The following PACSIN2 variants were observed in gnomAD, a reference collection of about 807,000 sequenced individuals.
The protein encoded by PACSIN2 is protein kinase C and casein kinase substrate in neurons protein 2.
A neutral mutation model predicts 63.8 loss-of-function variants in PACSIN2; 25 were observed. The observed-to-expected ratio is 0.39, with a 90% CI of 0.29 to 0.55. The LOEUF is 0.55. Among genes scored for constraint, PACSIN2 ranks in the 20% least tolerant of loss-of-function variants. PACSIN2 has a pLI of 0.62. For synonymous variants in PACSIN2, 255 were observed against 256.2 expected, an observed-to-expected ratio of 1.00 and a Z score of 0.05; for missense variants, 518 against 646.9, an observed-to-expected ratio of 0.80 and a Z score of 2.16.
chr22:42,961,767 T>C (rs1196383426), intron 1 of PACSIN2, among the ~76,000 whole-genome samples: 1 of 152,006 alleles, frequency 6.6e-6, no homozygotes, highest in Non-Finnish European at 1.5e-5. Context: ...AGCGAGATCC[T>C]GTCTCAAAAA....
chr22:42,917,045 C>T (rs5751403), intron 1 of PACSIN2, among the ~76,000 whole-genome samples: 27,636 of 152,056 alleles, frequency 0.18, 4,297 homozygotes, highest in East Asian at 0.73. Flanking sequence ...CAGTCATACC[C>T]ACCCCTATGG....
intron 7 of PACSIN2, among the ~76,000 whole-genome samples, chr22:42,879,909 G>C (rs1322677374): frequency 3.9e-5 from 6 of 152,088 alleles, no homozygotes; most frequent in Non-Finnish European, 5.9e-5. Flanking sequence ...GCACATGCTG[G>C]GGCTAACGAA....
intron 4 of PACSIN2, among the ~76,000 whole-genome samples, chr22:42,889,626 C>T (rs902676231): frequency 9.2e-5 from 14 of 151,942 alleles, no homozygotes; most frequent in African/African-American, 2.7e-4. Flanking sequence ...GATTCTGAGG[C>T]GGAGGAAGGC....
chr22:42,904,505 C>T (rs1228539089), intron 2 of PACSIN2, among the ~76,000 whole-genome samples: 4 of 152,204 alleles, frequency 2.6e-5, no homozygotes, highest in Non-Finnish European at 5.9e-5. Flanking sequence ...TCCCTAAGCT[C>T]GCTGAAGACC....
chr22:42,974,866 A>G (rs1036968666), intron 1 of PACSIN2, among the ~76,000 whole-genome samples: 1 of 152,108 alleles, frequency 6.6e-6, no homozygotes, highest in African/African-American at 2.4e-5. Flanking sequence ...AACAACAACA[A>G]CAACATAAGC....
intron 1 of PACSIN2, among the ~76,000 whole-genome samples, chr22:43,009,252 C>A (rs1001337820): frequency 6.6e-6 from 1 of 152,192 alleles, no homozygotes; most frequent in African/African-American, 2.4e-5. Context: ...CCAAGCCTGG[C>A]CCACTTTCTT....
chr22:42,876,934 C>G lies in PACSIN2; in HGVS notation c.1105G>C (p.Asp369His). The G allele has an allele frequency of 6.2e-7, 1 of 1,614,172 alleles. No individual in the cohort carries two copies. Among genetic ancestry groups the G allele is most frequent in the Non-Finnish European group, 8.5e-7 (1 of 1,180,020 alleles). ...SSYNPFEDED[D>H]TGSTVSEKDD... ...TTCTCACTGACGGTGCTGCCCGTGT[C>G]GTCCTCATCCTCGAAGGGGTTGTAG... is the stretch of plus-strand genomic sequence containing the variant. The change falls in exon 9 of 11, where the codon GAC becomes CAC. Residue 369 changes from aspartate (D) to histidine (H), a missense_variant. Physicochemically the swap from Asp to His is moderately conservative, Grantham distance 81. Around this residue, in one of 2 missense-constraint regions of PACSIN2, gnomAD observed 507 missense variants for 612.3 expected, o/e 0.83. Transcript: ENST00000263246.
At chr22:42,923,574 C>T (rs890723374) in intron 1 of PACSIN2, among the ~76,000 whole-genome samples, 1 of 152,148 alleles carries the variant, frequency 6.6e-6, no homozygotes, top group Non-Finnish European at 1.5e-5. Flanking sequence ...ACTACAGGCG[C>T]CCGCCACCAT....
intron 1 of PACSIN2, among the ~76,000 whole-genome samples, chr22:43,014,376 C>G (rs1300242593): frequency 3.8e-4 from 7 of 18,588 alleles, no homozygotes; most frequent in African/African-American, 1.9e-3. Context: ...CACCCCCCCC[C>G]CCCCGGGACA....
rs562389360 is a variant in PACSIN2, at chr22:42,870,482, A to G, written c.*875T>C. On this transcript the variant is annotated 3_prime_UTR_variant, in exon 11 of 11. Coordinates refer to ENST00000263246, the MANE Select transcript of PACSIN2 (RefSeq NM_001184970.3). Reference sequence around the variant, plus strand: ...TCTGAATATCAAATAATATATACAGATAGACACTGAGACATGACAGTCTAA... The same window carrying G: ...TCTGAATATCAAATAATATATACAGGTAGACACTGAGACATGACAGTCTAA... 1 of 152,378 alleles carries G rather than the reference A, an allele frequency of 6.6e-6. No individual in the cohort carries two copies. The highest frequency in any genetic ancestry group is 2.1e-4 in the South Asian group (1 of 4,832). The allele number at this position is 152,378 out of a possible 1,614,324, so 9.4% of individuals were successfully genotyped here. A position where few individuals can be genotyped will look rare whatever the true frequency, so the allele number is the denominator to read the frequency against.
chr22:42,966,335 G>T (rs190964915), intron 1 of PACSIN2, among the ~76,000 whole-genome samples: 471 of 151,854 alleles, frequency 3.1e-3, no homozygotes, highest in Non-Finnish European at 4.3e-3. Flanking sequence ...CCTGCACTCC[G>T]GCCTGGCGAC....
At chr22:42,887,881 T>A (rs943929959) in intron 5 of PACSIN2, among the ~76,000 whole-genome samples, 3 of 152,132 alleles carry the variant, frequency 2.0e-5, no homozygotes, top group Non-Finnish European at 4.4e-5. Flanking sequence ...CCACAGTGCC[T>A]GGTCACGGTC....
chr22:43,002,792 G>A (rs1321561869), intron 1 of PACSIN2, among the ~76,000 whole-genome samples: 2 of 152,096 alleles, frequency 1.3e-5, no homozygotes, highest in Non-Finnish European at 2.9e-5. Flanking sequence ...AACCTAAAAT[G>A]TCCAGCACTA....
chr22:42,924,414 T>A (rs1045812627), intron 1 of PACSIN2, among the ~76,000 whole-genome samples: 1 of 152,232 alleles, frequency 6.6e-6, no homozygotes, highest in South Asian at 2.1e-4. Context: ...GCTGCATGCT[T>A]TCTCAATGCA....
intron 1 of PACSIN2, among the ~76,000 whole-genome samples, chr22:43,000,931 G>A (rs568099780): frequency 8.1e-4 from 124 of 152,266 alleles, no homozygotes; most frequent in Non-Finnish European, 1.6e-3. Context: ...CTGCTTTTGC[G>A]TGACTCTCAG....
chr22:43,010,398 A>ATATATATATATATATATATTTTTT lies in PACSIN2; in HGVS notation c.-78+4622_-78+4623insAAAAAATATATATATATATATATA. Among the ~76,000 whole-genome samples the ATATATATATATATATATATTTTTT allele has an allele frequency of 8.8e-3, 1,108 of 126,196 alleles. 18 individuals are homozygous for ATATATATATATATATATATTTTTT. Among genetic ancestry groups the ATATATATATATATATATATTTTTT allele is most frequent in the Middle Eastern group, 0.016 (4 of 246 alleles). 82.8% of individuals were successfully genotyped at this position (126,196 alleles called of 152,430 possible). ...TGTTTAAAAATACATATATATATAT[A>ATATATATATATATATATATTTTTT]TTTTTTTTTAATTGAAAATAAAAAA... is the stretch of plus-strand genomic sequence containing the variant. On this transcript the variant is annotated intron_variant, in intron 1 of 10. Transcript: ENST00000263246.
intron 1 of PACSIN2, among the ~76,000 whole-genome samples, chr22:43,001,103 C>T (rs9611982): frequency 6.6e-6 from 1 of 152,158 alleles, no homozygotes; most frequent in Non-Finnish European, 1.5e-5. Context: ...AATCCAGTCT[C>T]GAAATAAATC....
chr22:42,947,118 A>G (rs1223579685), intron 1 of PACSIN2: 1 of 152,296 alleles, frequency 6.6e-6, no homozygotes, highest in East Asian at 1.9e-4. Context: ...ACAGGCCCAG[A>G]TGAGACAGAA....
At chr22:43,000,459 G>T (rs1021039214) in intron 1 of PACSIN2, among the ~76,000 whole-genome samples, 2 of 152,186 alleles carry the variant, frequency 1.3e-5, no homozygotes, top group Non-Finnish European at 2.9e-5. Flanking sequence ...TGGAGGATTG[G>T]AGGAGGTTTC....
Sources: allele counts gnomAD v4.1 joint callset (sites outside exome capture counted in the v4.1 genomes callset), GRCh38; gene constraint gnomAD v4.1.1; regional missense constraint gnomAD v4.1.1; transcripts MANE v1.5; gene names NCBI Gene and HGNC (gene_info 2026-07-23, HGNC 2026-07-21).